The following SLC4A8 variants were observed in gnomAD, a reference collection of about 807,000 sequenced individuals.
SLC4A8 encodes electroneutral sodium bicarbonate exchanger 1.
In SLC4A8, 40 loss-of-function variants were observed where a neutral mutation model predicts 125.0. The ratio of observed to expected loss-of-function variants is 0.32; its 90% confidence interval spans 0.25 to 0.42. The LOEUF (loss-of-function observed/expected upper bound fraction) is 0.42. Among genes scored for constraint, SLC4A8 ranks in the 10% least tolerant of loss-of-function variants. The pLI is 1.00. For missense variants in SLC4A8, 863 were observed against 1,355.1 expected (o/e 0.64, Z 5.70); for synonymous variants, 456 against 476.0 (o/e 0.96, Z 0.55).
chr12:51,488,367 T>C (rs2138391898), intron 17 of SLC4A8, among the ~76,000 whole-genome samples: 1 of 152,300 alleles, frequency 6.6e-6, no homozygotes, highest in Middle Eastern at 3.4e-3. Flanking sequence ...AGGGGAGGTC[T>C]GGAAAGTCCT....
chr12:51,429,066 C>T (rs967915145), intron 1 of SLC4A8, among the ~76,000 whole-genome samples: 1 of 151,972 alleles, frequency 6.6e-6, no homozygotes, highest in South Asian at 2.1e-4. Flanking sequence ...CCTGCCACCA[C>T]CCCTAGCTAA....
chr12:51,394,557 G>T (rs2137906324), intron 1 of SLC4A8, among the ~76,000 whole-genome samples: 1 of 152,308 alleles, frequency 6.6e-6, no homozygotes, highest in East Asian at 1.9e-4. Flanking sequence ...GGTGGCTCAT[G>T]CCTGTAATCC....
At chr12:51,484,496 G>A (rs1218960902) in intron 16 of SLC4A8, among the ~76,000 whole-genome samples, 8 of 152,214 alleles carry the variant, frequency 5.3e-5, no homozygotes, top group Non-Finnish European at 8.8e-5. Flanking sequence ...TGGGCTTCAT[G>A]TTGGGGATGG....
At chr12:51,424,032 G>T (rs1222650770), upstream of SLC4A8, among the ~76,000 whole-genome samples, 1 of 54,854 alleles carries the variant, frequency 1.8e-5, no homozygotes, top group Non-Finnish European at 3.2e-5. Flanking sequence ...GTGAAACTTC[G>T]TCTCCAAAAA....
chr12:51,457,709 C>G (rs1291357054), intron 6 of SLC4A8, among the ~76,000 whole-genome samples, 170 bp downstream of exon 6: 1 of 152,138 alleles, frequency 6.6e-6, no homozygotes, highest in Non-Finnish European at 1.5e-5. Context: ...GACTGGTGCT[C>G]ATCTCTCTCT....
chr12:51,495,214 G>C, intron 21 of SLC4A8, 96 bp downstream of exon 21: 1 of 1,067,850 alleles, frequency 9.4e-7, no homozygotes, highest in Non-Finnish European at 1.3e-6. Flanking sequence ...TAAGTGTACA[G>C]TTGAGTGGCA....
chr12:51,490,808 C>T (rs1433190374), intron 19 of SLC4A8, among the ~76,000 whole-genome samples: 1 of 152,032 alleles, frequency 6.6e-6, no homozygotes, highest in East Asian at 1.9e-4. Context: ...GCAAGGTAAC[C>T]TTTGAAGGGT....
intron 1 of SLC4A8, among the ~76,000 whole-genome samples, chr12:51,432,072 A>G (rs1203104945): frequency 1.3e-5 from 2 of 152,200 alleles, no homozygotes; most frequent in Non-Finnish European, 2.9e-5. Flanking sequence ...GTAAAACACA[A>G]TGTGAGGTAT....
At chr12:51,437,727 G>A (rs1488339241) in intron 1 of SLC4A8, among the ~76,000 whole-genome samples, 1 of 152,172 alleles carries the variant, frequency 6.6e-6, no homozygotes, top group Non-Finnish European at 1.5e-5. Context: ...ACTAATACAG[G>A]AGACGTGGGG....
At chr12:51,431,996 A>C (rs1195043939) in intron 1 of SLC4A8, among the ~76,000 whole-genome samples, 1 of 152,194 alleles carries the variant, frequency 6.6e-6, no homozygotes. Context: ...TTCTTATCTC[A>C]CTTAGCTTTT....
intron 1 of SLC4A8, among the ~76,000 whole-genome samples, chr12:51,414,030 A>G (rs748724479): frequency 4.6e-5 from 7 of 152,186 alleles, no homozygotes; most frequent in Admixed American, 3.9e-4. Flanking sequence ...CATTTTAACA[A>G]TATTAATTCT....
chr12:51,403,587 C>G (rs185380727), intron 1 of SLC4A8, among the ~76,000 whole-genome samples: 9 of 152,364 alleles, frequency 5.9e-5, no homozygotes, highest in Non-Finnish European at 2.9e-5. Context: ...AAGCACCCCT[C>G]AGAGTCTGCC....
intron 12 of SLC4A8, 65 bp downstream of exon 12, chr12:51,469,853 G>T: frequency 6.7e-7 from 1 of 1,482,054 alleles, no homozygotes. Context: ...CGGCAGCCAG[G>T]TCCACTGTGG....
exon 1 of SLC4A8, chr12:51,391,469 G>T (rs1235902413): frequency 1.9e-5 from 3 of 156,544 alleles, no homozygotes; most frequent in Non-Finnish European, 2.8e-5. Context: ...AGGAAGAGGC[G>T]AAGGCTGGCG....
chr12:51,440,740 T>A lies in SLC4A8; in HGVS notation c.81T>A (p.Gly27=). 1.2e-6 allele frequency: 2 copies of A among 1,611,466 alleles called. No individual in the cohort carries two copies. Among genetic ancestry groups the A allele is most frequent in the Non-Finnish European group, 1.7e-6 (2 of 1,179,234 alleles). The part of the protein sequence containing the change: ...RPDEEAVVDQ[G]GTSTILNIHY... ...ATGAAGAAGCTGTGGTGGATCAGGG[T>A]GGGACCAGTACAATTCTCAACATTC... The change falls in exon 2 of 25, where the codon GGT becomes GGA. Residue 27 remains glycine (G), a synonymous_variant. Coordinates refer to ENST00000453097, the MANE Select transcript of SLC4A8 (RefSeq NM_001039960.3).
chr12:51,447,805 C>T (rs1357417723), intron 2 of SLC4A8, among the ~76,000 whole-genome samples: 2 of 151,628 alleles, frequency 1.3e-5, no homozygotes, highest in South Asian at 2.1e-4. Context: ...CAACCTCCGC[C>T]GCCCAGGTTC....
intron 10 of SLC4A8, among the ~76,000 whole-genome samples, 197 bp from the exon 11 acceptor site, chr12:51,463,417 G>GTA (rs1444283432): frequency 3.2e-4 from 44 of 138,524 alleles, no homozygotes; most frequent in African/African-American, 1.1e-3. Context: ...TGGGGTGTGT[G>GTA]TGTGTGTGTG....
At chr12:51,400,730 A>T (rs1380422245) in intron 1 of SLC4A8, among the ~76,000 whole-genome samples, 10 of 302 alleles carry the variant, frequency 0.033, no homozygotes, top group South Asian at 0.12. Context: ...ACTCCTTTAT[A>T]TATATATATA....
rs1192271380 is a variant in SLC4A8 at position 51,511,809 on chromosome 12, C to T, written c.*4371C>T. On this transcript the variant is annotated 3_prime_UTR_variant, in exon 25 of 25. Transcript: ENST00000453097. ...TCCTCCAACTTTTTCAGGCAGTATT[C>T]CAATCAGGGTTTTACGACACCAGGG... The T allele has an allele frequency of 6.6e-6, 1 of 152,204 alleles. No homozygotes were observed. The highest frequency in any genetic ancestry group is 1.5e-5 in the Non-Finnish European group (1 of 68,040). 9.4% of individuals were successfully genotyped at this position (152,204 alleles called of 1,614,324 possible). A position where few individuals can be genotyped will look rare whatever the true frequency, so the allele number is the denominator to read the frequency against.
Sources: allele counts gnomAD v4.1 joint callset (sites outside exome capture counted in the v4.1 genomes callset), GRCh38; gene constraint gnomAD v4.1.1; transcripts MANE v1.5; gene names NCBI Gene and HGNC (gene_info 2026-07-23, HGNC 2026-07-21).